Variants in STEAP1B observed in about 807,000 individuals in gnomAD.
The protein encoded by STEAP1B is STEAP family member 1B, also known as STEAP family protein MGC87042.
In STEAP1B, 13 loss-of-function variants were observed where a neutral mutation model predicts 27.9. The ratio of observed to expected loss-of-function variants is 0.47; its 90% CI spans 0.30 to 0.74. The LOEUF is 0.74. STEAP1B is among the 30% of genes least tolerant of loss of function. The pLI, the probability that STEAP1B is intolerant of heterozygous loss-of-function variation, is 0.06. For synonymous variants in STEAP1B, 86 were observed against 107.1 expected, an observed-to-expected ratio of 0.80 and a Z score of 1.22; for missense variants, 250 against 298.7, an observed-to-expected ratio of 0.84 and a Z score of 1.20.
chr7:22,490,411 G>T (rs534426299), intron 4 of STEAP1B, among the ~76,000 whole-genome samples: 1 of 151,844 alleles, frequency 6.6e-6, no homozygotes, highest in African/African-American at 2.4e-5. Context: ...GTCTCTTGTG[G>T]GACTCTACTA....
At chr7:22,454,847 ATGTATATATATATATATATT>A (rs1179478506) in intron 4 of STEAP1B, among the ~76,000 whole-genome samples, 6 of 81,458 alleles carry the variant, frequency 7.4e-5, no homozygotes, top group Non-Finnish European at 1.4e-4. Flanking sequence ...ATATATATAT[ATGTATATATATATATATATT>A]TTTTTTTTTT....
intron 4 of STEAP1B, among the ~76,000 whole-genome samples, chr7:22,455,614 T>A (rs190113882): frequency 1.4e-4 from 21 of 152,324 alleles, no homozygotes; most frequent in Admixed American, 1.4e-3. Context: ...TGAATTTCAG[T>A]CCTTTATCAG....
intron 4 of STEAP1B, among the ~76,000 whole-genome samples, chr7:22,436,437 G>A (rs960785168): frequency 4.3e-4 from 59 of 136,666 alleles, no homozygotes; most frequent in African/African-American, 1.4e-3. Context: ...TTAAGTTCAC[G>A]GTCACATGTG....
chr7:22,492,319 C>CAAAA (rs56679156), intron 4 of STEAP1B: 27 of 54,806 alleles, frequency 4.9e-4, no homozygotes, highest in South Asian at 1.6e-3. Context: ...ACTTCATCTC[C>CAAAA]AAAAAAAAAA....
At chr7:22,458,227 A>G (rs1785619463) in intron 4 of STEAP1B, among the ~76,000 whole-genome samples, 1 of 152,230 alleles carries the variant, frequency 6.6e-6, no homozygotes, top group African/African-American at 2.4e-5. Context: ...ATGTGATGCC[A>G]TGGAGGTGAA....
intron 4 of STEAP1B, among the ~76,000 whole-genome samples, chr7:22,479,432 G>A (rs1024919604): frequency 6.6e-6 from 1 of 152,166 alleles, no homozygotes; most frequent in Non-Finnish European, 1.5e-5. Context: ...AATTCTTTCT[G>A]CTAGGTAAGT....
At chr7:22,488,990 T>C (rs961839467) in intron 4 of STEAP1B, among the ~76,000 whole-genome samples, 4 of 152,194 alleles carry the variant, frequency 2.6e-5, no homozygotes, top group Admixed American at 2.0e-4. Flanking sequence ...TACCCTTGGA[T>C]AAGTTCTCTT....
chr7:22,429,032 G>T (rs1785144811), intron 4 of STEAP1B, among the ~76,000 whole-genome samples: 1 of 152,096 alleles, frequency 6.6e-6, no homozygotes, highest in Non-Finnish European at 1.5e-5. Flanking sequence ...CAGTATGAAG[G>T]GTAAGCAAGA....
chr7:22,494,304 T>C (rs3864422), intron 2 of STEAP1B, among the ~76,000 whole-genome samples: 90,225 of 151,194 alleles, frequency 0.6, 27,304 homozygotes, highest in African/African-American at 0.69. Context: ...GATTCTTATC[T>C]AAAAGTAGAT....
At chr7:22,475,040 C>T (rs1470644719) in intron 4 of STEAP1B, among the ~76,000 whole-genome samples, 1 of 152,174 alleles carries the variant, frequency 6.6e-6, no homozygotes, top group African/African-American at 2.4e-5. Context: ...TCTGATTAAC[C>T]GACATGCCTC....
At chr7:22,445,858 C>T (rs1024216011) in intron 4 of STEAP1B, among the ~76,000 whole-genome samples, 1 of 152,236 alleles carries the variant, frequency 6.6e-6, no homozygotes, top group Non-Finnish European at 1.5e-5. Flanking sequence ...ATGCTTTTCT[C>T]CTCCTGATTT....
intron 4 of STEAP1B, among the ~76,000 whole-genome samples, chr7:22,441,059 G>C (rs928894001): frequency 6.6e-6 from 1 of 150,404 alleles, no homozygotes; most frequent in East Asian, 1.9e-4. Context: ...TTTCTAAATA[G>C]AAAATGTTAT....
At chr7:22,425,802 C>G (rs968769278) in intron 4 of STEAP1B, among the ~76,000 whole-genome samples, 2 of 152,188 alleles carry the variant, frequency 1.3e-5, no homozygotes, top group Non-Finnish European at 2.9e-5. Flanking sequence ...ATAGGCCTTT[C>G]AGATTTGACT....
chr7:22,429,912 CA>C (rs550380329), intron 4 of STEAP1B, among the ~76,000 whole-genome samples: 8 of 149,580 alleles, frequency 5.3e-5, no homozygotes, highest in East Asian at 3.9e-4. Flanking sequence ...TAAAACCTTA[CA>C]AAAAAAAATG....
intron 4 of STEAP1B, among the ~76,000 whole-genome samples, chr7:22,453,141 G>C (rs1001047540): frequency 2.0e-5 from 3 of 152,198 alleles, no homozygotes; most frequent in Non-Finnish European, 4.4e-5. Flanking sequence ...CCAACCAACT[G>C]CGACAGGATT....
At chr7:22,459,293 T>A (rs1785639394) in intron 4 of STEAP1B, among the ~76,000 whole-genome samples, 1 of 152,264 alleles carries the variant, frequency 6.6e-6, no homozygotes, top group South Asian at 2.1e-4. Flanking sequence ...AACTTCTTAT[T>A]TGATTTTGCA....
intron 4 of STEAP1B, among the ~76,000 whole-genome samples, chr7:22,461,317 C>T (rs1785674766): frequency 6.6e-6 from 1 of 152,176 alleles, no homozygotes; most frequent in Middle Eastern, 3.2e-3. Flanking sequence ...GGCTAGAGTG[C>T]AATGGCATGA....
rs373333595 is a variant in STEAP1B, at chr7:22,481,779, C to T, written c.762+10786G>A. Among the ~76,000 whole-genome samples, 7 of 152,262 alleles carry T rather than the reference C, an allele frequency of 4.6e-5. No individual in the cohort carries two copies. In the East Asian group the frequency reaches 9.6e-4, roughly 21 times the overall value. On this transcript the variant is annotated intron_variant, in intron 4 of 4. Coordinates refer to ENST00000678116, the MANE Select transcript of STEAP1B (RefSeq NM_001382447.1). ...GGTGCTCCCCAGATGAACACAGTCA[C>T]GTAAAGCCAGAGGATTGTGTTGAAA... is the stretch of plus-strand genomic sequence containing the variant.
At chr7:22,460,144 T>C (rs1481470065) in intron 4 of STEAP1B, among the ~76,000 whole-genome samples, 2 of 151,768 alleles carry the variant, frequency 1.3e-5, no homozygotes, top group Non-Finnish European at 1.5e-5. Context: ...ACCCCGTCTC[T>C]ACAAAAAAAC....
Sources: allele counts gnomAD v4.1 joint callset (sites outside exome capture counted in the v4.1 genomes callset), GRCh38; gene constraint gnomAD v4.1.1; transcripts MANE v1.5; gene names NCBI Gene and HGNC (gene_info 2026-07-23, HGNC 2026-07-21).